ARHGAP12: variants seen among roughly 807,000 people sequenced by gnomAD.
ARHGAP12 encodes rho GTPase-activating protein 12.
A neutral mutation model predicts 108.6 loss-of-function variants in ARHGAP12; 64 were observed. The ratio of observed to expected loss-of-function variants is 0.59; its 90% CI spans 0.48 to 0.73. The LOEUF (loss-of-function observed/expected upper bound fraction) is 0.73. Among genes scored for constraint, ARHGAP12 ranks in the 30% least tolerant of loss-of-function variants. The pLI, the probability that ARHGAP12 is intolerant of heterozygous loss-of-function variation, is 0.00. For missense variants in ARHGAP12, 940 were observed against 1,005.9 expected, an observed-to-expected ratio of 0.93 and a Z score of 0.89; for synonymous variants, 312 against 337.2, an observed-to-expected ratio of 0.93 and a Z score of 0.82.
chr10:31,852,645 G>T, intron 5 of ARHGAP12, 48 bp from the exon 6 acceptor site: 1 of 1,250,560 alleles, frequency 8.0e-7, no homozygotes, highest in Non-Finnish European at 1.2e-6. Flanking sequence ...ATAAAAGTGA[G>T]TTTAAGCTAC....
chr10:31,868,448 C>T (rs1837414939), intron 3 of ARHGAP12, among the ~76,000 whole-genome samples: 1 of 151,942 alleles, frequency 6.6e-6, no homozygotes, highest in Non-Finnish European at 1.5e-5. Flanking sequence ...GGATGTGGGG[C>T]AGGATAGGCC....
intron 3 of ARHGAP12, among the ~76,000 whole-genome samples, chr10:31,865,072 G>T (rs78687382): frequency 6.6e-6 from 1 of 152,160 alleles, no homozygotes; most frequent in Non-Finnish European, 1.5e-5. Flanking sequence ...GACATACTGA[G>T]TATGTAAAAG....
At position 31,898,837 on chromosome 10, in the gene ARHGAP12, A is replaced by C. The variant is rs1032799341; in HGVS notation, c.684+9335T>G. ...AAGTACACTCTGTGATGTTCCCACAACAATAAAATAGTGTAACAACAACAA... is the reference window on the plus strand; with the variant it reads ...AAGTACACTCTGTGATGTTCCCACACCAATAAAATAGTGTAACAACAACAA... On this transcript the variant is annotated intron_variant, in intron 3 of 19. Coordinates refer to ENST00000344936, the MANE Select transcript of ARHGAP12 (RefSeq NM_018287.7). Among the ~76,000 whole-genome samples the C allele has an allele frequency of 2.6e-5, 4 of 152,118 alleles. 1 individual carries two copies. Among genetic ancestry groups the C allele is most frequent in the African/African-American group, 4.8e-5 (2 of 41,420 alleles).
At chr10:31,884,094 TA>T (rs59701767) in intron 3 of ARHGAP12, among the ~76,000 whole-genome samples, 59,188 of 114,386 alleles carry the variant, frequency 0.52, 12,333 homozygotes, top group African/African-American at 0.55. Context: ...TGTTTACACC[TA>T]AAAAAAAAAA....
At chr10:31,845,558 G>C (rs1026303028) in intron 6 of ARHGAP12, among the ~76,000 whole-genome samples, 2 of 152,112 alleles carry the variant, frequency 1.3e-5, no homozygotes, top group Non-Finnish European at 2.9e-5. Flanking sequence ...GCTGAGATGG[G>C]TGGATCACCT....
intron 3 of ARHGAP12, among the ~76,000 whole-genome samples, chr10:31,888,063 C>G: frequency 6.6e-6 from 1 of 152,108 alleles, no homozygotes; most frequent in Admixed American, 6.5e-5. Flanking sequence ...CTATTCCTTG[C>G]CAGCTCCCTC....
chr10:31,903,104 G>A (rs903574292), intron 3 of ARHGAP12, among the ~76,000 whole-genome samples: 4 of 152,246 alleles, frequency 2.6e-5, no homozygotes, highest in African/African-American at 7.2e-5. Flanking sequence ...ACTTAACAAC[G>A]GGGATATTTT....
At chr10:31,878,981 T>C (rs1295453817) in intron 3 of ARHGAP12, among the ~76,000 whole-genome samples, 1 of 152,106 alleles carries the variant, frequency 6.6e-6, no homozygotes, top group Non-Finnish European at 1.5e-5. Context: ...TTCTATAACA[T>C]CAGAAAGAAC....
chr10:31,817,134 C>G (rs931677925), intron 13 of ARHGAP12, among the ~76,000 whole-genome samples: 1 of 151,918 alleles, frequency 6.6e-6, no homozygotes, highest in African/African-American at 2.4e-5. Flanking sequence ...TTGCTGGAGC[C>G]CAGGAGTTCA....
rs192930343 is a variant in ARHGAP12, at chr10:31,865,747, G to T, written c.685-4089C>A. On this transcript the variant is annotated intron_variant, in intron 3 of 19. Transcript: ENST00000344936. ...AAAAAAATTAGCCCGGCGTGGTGGC[G>T]GGCGCCTGTAGTCCCAGCTACTCGG... is the stretch of plus-strand genomic sequence containing the variant. 4.0e-3 allele frequency among the ~76,000 whole-genome samples: 607 copies of T among 152,002 alleles called. 5 individuals are homozygous for T. The highest frequency in any genetic ancestry group is 0.014 in the Middle Eastern group (4 of 294).
chr10:31,915,532 G>A (rs542133668), intron 1 of ARHGAP12, among the ~76,000 whole-genome samples: 2 of 147,306 alleles, frequency 1.4e-5, no homozygotes, highest in African/African-American at 5.4e-5. Flanking sequence ...GTACAGCAAG[G>A]TGACTACAGT....
In ARHGAP12 at chr10:31,893,865, C is replaced by T. The variant is rs184403076; in HGVS notation, c.684+14307G>A. On this transcript the variant is annotated intron_variant, in intron 3 of 19. Transcript: ENST00000344936. ...AATCCTCAATAAAATACTGGCAAAC[C>T]GAATCCAGCAGCACATCAAAAAGCT... 2.6e-5 allele frequency among the ~76,000 whole-genome samples: 4 copies of T among 152,248 alleles called. No homozygotes were observed. In the East Asian group the frequency reaches 5.8e-4, roughly 22 times the overall value.
intron 3 of ARHGAP12, among the ~76,000 whole-genome samples, chr10:31,865,636 G>A (rs188097414): frequency 2.6e-5 from 4 of 152,210 alleles, no homozygotes; most frequent in Admixed American, 2.0e-4. Context: ...AGCACTTTGG[G>A]AGGCTGAAGC....
chr10:31,927,797 G>A (rs574049193), intron 1 of ARHGAP12, among the ~76,000 whole-genome samples: 1 of 152,186 alleles, frequency 6.6e-6, no homozygotes, highest in East Asian at 1.9e-4. Flanking sequence ...AACGAAGACC[G>A]TGTGGCCATT....
chr10:31,881,840 G>A lies in ARHGAP12; in HGVS notation c.685-20182C>T, dbSNP rs567764470. Among the ~76,000 whole-genome samples, 3 of 151,748 alleles carry A rather than the reference G, an allele frequency of 2.0e-5. No individual in the cohort carries two copies. In the South Asian group the frequency reaches 6.2e-4, roughly 32 times the overall value. On this transcript the variant is annotated intron_variant, in intron 3 of 19. Coordinates refer to ENST00000344936, the MANE Select transcript of ARHGAP12 (RefSeq NM_018287.7). The stretch of plus-strand genomic sequence containing the variant: ...TCATAACTAGCATATTAAGAATACT[G>A]TAAGTGTTCACAGAATAGGAGAAAT...
intron 6 of ARHGAP12, among the ~76,000 whole-genome samples, chr10:31,851,337 T>C (rs1354050669): frequency 1.3e-5 from 2 of 152,174 alleles, no homozygotes; most frequent in African/African-American, 4.8e-5. Flanking sequence ...TATCTGAAGA[T>C]GTGACAAGTT....
chr10:31,928,251 C>A (rs1163905063), intron 1 of ARHGAP12, among the ~76,000 whole-genome samples: 1 of 151,750 alleles, frequency 6.6e-6, no homozygotes, highest in South Asian at 2.1e-4. Context: ...TGCACATAGA[C>A]ACGCACACAC....
intron 1 of ARHGAP12, among the ~76,000 whole-genome samples, chr10:31,927,195 C>G (rs1840083771): frequency 1.1e-5 from 1 of 93,412 alleles, no homozygotes. Context: ...CTGCTTTGGG[C>G]TCTCAAAACC....
intron 7 of ARHGAP12, 86 bp downstream of exon 7, chr10:31,843,375 T>C: frequency 7.3e-7 from 1 of 1,376,220 alleles, no homozygotes; most frequent in Non-Finnish European, 9.9e-7. Flanking sequence ...GAATATTTAC[T>C]AAATACATAA....
Sources: allele counts gnomAD v4.1 joint callset (sites outside exome capture counted in the v4.1 genomes callset), GRCh38; gene constraint gnomAD v4.1.1; transcripts MANE v1.5; gene names NCBI Gene and HGNC (gene_info 2026-07-23, HGNC 2026-07-21).